PMFBP1: variants seen among roughly 807,000 people sequenced by gnomAD.
PMFBP1 encodes the protein polyamine-modulated factor 1-binding protein 1.
Under a neutral mutation model 137.8 loss-of-function variants are expected in PMFBP1, and 131 were observed. The ratio of observed to expected loss-of-function variants is 0.95; its 90% CI spans 0.82 to 1.10. The LOEUF (loss-of-function observed/expected upper bound fraction) is 1.10. PMFBP1 is among the 50% of genes least tolerant of loss of function. PMFBP1 has a pLI of 0.00. For missense variants in PMFBP1, 1,199 were observed against 1,175.4 expected, an observed-to-expected ratio of 1.02 and a Z score of -0.29; for synonymous variants, 490 against 450.4, an observed-to-expected ratio of 1.09 and a Z score of -1.11.
the PMFBP1 span, among the ~76,000 whole-genome samples, chr16:72,202,686 A>G: frequency 1.3e-5 from 2 of 152,252 alleles, no homozygotes; most frequent in Non-Finnish European, 2.9e-5. Flanking sequence ...TCTGGTGCCA[A>G]TCTCTCACTC....
chr16:72,246,623 G>A, the PMFBP1 span, among the ~76,000 whole-genome samples: 2 of 151,882 alleles, frequency 1.3e-5, no homozygotes, highest in East Asian at 3.9e-4. Flanking sequence ...CTGGCCACAA[G>A]GTTACTTTCT....
chr16:72,170,953 T>C (rs2043212260), intron 2 of PMFBP1, among the ~76,000 whole-genome samples: 2 of 152,196 alleles, frequency 1.3e-5, no homozygotes, highest in Non-Finnish European at 2.9e-5. Flanking sequence ...TCACAATTCA[T>C]ATTTTCTAGA....
At chr16:72,193,731 A>G in the PMFBP1 span, among the ~76,000 whole-genome samples, 28 of 151,506 alleles carry the variant, frequency 1.8e-4, no homozygotes, top group Non-Finnish European at 1.5e-5. Context: ...GAGGAAAAAA[A>G]AAAAAAAAGA....
chr16:72,124,103 C>T (rs4788607), intron 17 of PMFBP1, among the ~76,000 whole-genome samples: 2 of 151,996 alleles, frequency 1.3e-5, no homozygotes, highest in African/African-American at 2.4e-5. Flanking sequence ...TAACCTCCCC[C>T]CCGGCTCAAG....
At chr16:72,211,309 G>A in the PMFBP1 span, among the ~76,000 whole-genome samples, 1 of 152,156 alleles carries the variant, frequency 6.6e-6, no homozygotes, top group South Asian at 2.1e-4. Flanking sequence ...AACACCAGAG[G>A]CAAGGCATCT....
chr16:72,196,682 A>G, the PMFBP1 span, among the ~76,000 whole-genome samples: 1 of 152,226 alleles, frequency 6.6e-6, no homozygotes, highest in East Asian at 1.9e-4. Context: ...GAATACATTC[A>G]TATTAATGGG....
intron 3 of PMFBP1, among the ~76,000 whole-genome samples, chr16:72,156,751 G>A (rs9933009): frequency 0.39 from 58,612 of 151,782 alleles, 13,901 homozygotes; most frequent in African/African-American, 0.68. Context: ...TGGCAATTAC[G>A]AATACTGCTG....
At chr16:72,172,638 G>C (rs1332041620), upstream of PMFBP1, among the ~76,000 whole-genome samples, 1 of 151,610 alleles carries the variant, frequency 6.6e-6, no homozygotes. Flanking sequence ...GAGAGATTGC[G>C]GGTTTGGTTT....
the PMFBP1 span, among the ~76,000 whole-genome samples, chr16:72,206,472 C>T: frequency 1.3e-5 from 2 of 152,202 alleles, no homozygotes; most frequent in Admixed American, 6.5e-5. Context: ...GGCAGCTCAC[C>T]ATCAGGAACA....
chr16:72,170,604 T>A (rs908345148), intron 2 of PMFBP1, among the ~76,000 whole-genome samples: 1 of 152,098 alleles, frequency 6.6e-6, no homozygotes, highest in Admixed American at 6.5e-5. Context: ...TAATTTTTTT[T>A]ATTTTTTGTA....
chr16:72,180,045 C>T (rs898034813), upstream of PMFBP1, among the ~76,000 whole-genome samples: 1 of 152,198 alleles, frequency 6.6e-6, no homozygotes, highest in Non-Finnish European at 1.5e-5. Context: ...CCCTGAAGGC[C>T]TGCAGCTCCA....
At position 72,140,466 on chromosome 16, in the gene PMFBP1, T is replaced by C. The variant is rs1345509979; in HGVS notation, c.753A>G (p.Gln251=). ...RLSEVWQKVS[Q]QDDLIQELRN... ...GAAGTTCTTGAATGAGATCATCCTGTTGAGAGACCTTTTGCCAGACTTCAG... is the reference window on the plus strand; with the variant it reads ...GAAGTTCTTGAATGAGATCATCCTGCTGAGAGACCTTTTGCCAGACTTCAG... The change falls in exon 6 of 21, where the codon CAA becomes CAG. Residue 251 remains glutamine, a synonymous_variant. Coordinates refer to ENST00000237353, the MANE Select transcript of PMFBP1 (RefSeq NM_031293.3). The C allele has an allele frequency of 7.4e-6, 12 of 1,613,946 alleles. No individual in the cohort carries two copies. The highest frequency in any genetic ancestry group is 1.0e-5 in the Non-Finnish European group (12 of 1,179,926).
intron 2 of PMFBP1, among the ~76,000 whole-genome samples, chr16:72,166,538 T>C (rs2043147595): frequency 6.6e-6 from 1 of 152,118 alleles, no homozygotes; most frequent in Non-Finnish European, 1.5e-5. Flanking sequence ...GGTTCTTAAG[T>C]GAGGATTCAT....
At position 72,154,330 on chromosome 16, in the gene PMFBP1, A is replaced by G. The variant is rs2042950354; in HGVS notation, c.295T>C (p.Phe99Leu). The change falls in exon 4 of 21, where the codon TTT (phenylalanine) becomes CTT (leucine). Residue 99 changes from phenylalanine (F) to leucine (L), a missense_variant. Physicochemically the swap from Phe to Leu is conservative, Grantham distance 22 (BLOSUM62 0). Transcript: ENST00000237353. ...KLLVLQQELE[F>L]HTEELQTSYY... is the part of the protein sequence containing the mutation. ...GAAGTCTGCAACTCCTCTGTGTGAA[A>G]CTCCAGTTCTTGTTGAAGGACCAGC... 6.2e-7 allele frequency: 1 copy of G among 1,613,704 alleles called. No homozygotes were observed. Among genetic ancestry groups the G allele is most frequent in the Non-Finnish European group, 8.5e-7 (1 of 1,179,904 alleles).
At chr16:72,246,036 G>A in the PMFBP1 span, among the ~76,000 whole-genome samples, 1 of 152,138 alleles carries the variant, frequency 6.6e-6, no homozygotes, top group African/African-American at 2.4e-5. Context: ...TAGTGTGGGA[G>A]CATACTCATT....
chr16:72,161,819 G>C (rs2043066874), intron 3 of PMFBP1, among the ~76,000 whole-genome samples: 1 of 152,150 alleles, frequency 6.6e-6, no homozygotes, highest in African/African-American at 2.4e-5. Context: ...AGAAGATTCA[G>C]TGAAATATTT....
At position 72,149,231 on chromosome 16, in the gene PMFBP1, T is replaced by C. The variant is rs377133458; in HGVS notation, c.636+1377A>G. Among the ~76,000 whole-genome samples the C allele has an allele frequency of 2.0e-4, 31 of 152,352 alleles. 2 individuals carry two copies. The highest frequency in any genetic ancestry group is 1.0e-3 in the Admixed American group (16 of 15,306). ...CGTTATCTCCCTACCCATCAGTGTT[T>C]AGCACAACTTTAAAAGAATGAAAAC... On this transcript the variant is annotated intron_variant, in intron 5 of 20. Transcript: ENST00000237353.
Position 72,126,059 on chromosome 16 carries a change from T to C in PMFBP1, c.2162A>G (p.Tyr721Cys), listed in dbSNP as rs747834251. 3 of 1,614,148 alleles carry C rather than the reference T, an allele frequency of 1.9e-6. No homozygotes were observed. The highest frequency in any genetic ancestry group is 1.1e-5 in the South Asian group (1 of 91,080). Residue 721 changes from tyrosine (Y) to cysteine (C), a missense_variant, in exon 15 of 21, where the codon TAT (tyrosine) becomes TGT (cysteine). By Grantham distance (194) the Tyr-to-Cys change is radical (BLOSUM62 -2). Coordinates refer to ENST00000237353, the MANE Select transcript of PMFBP1 (RefSeq NM_031293.3). ...TTCTTTGGTGATGGTAGTCTGGAGA[T>C]AGTGCTTCTCCTTCTGCAGAGCTTT... ...LDKALQKEKHYLQTTITKEAY... is the reference protein window; with the variant it reads ...LDKALQKEKHCLQTTITKEAY...
chr16:72,121,042 C>G (rs2042370341), intron 19 of PMFBP1, among the ~76,000 whole-genome samples: 1 of 152,146 alleles, frequency 6.6e-6, no homozygotes, highest in African/African-American at 2.4e-5. Context: ...AGAGTGAGTT[C>G]TTTGTGAAAG....
Sources: gnomAD v4.1 joint callset for allele counts (sites outside exome capture counted in the v4.1 genomes callset) on GRCh38, gnomAD v4.1.1 for gene constraint, MANE v1.5 for transcripts, NCBI Gene and HGNC (gene_info 2026-07-23, HGNC 2026-07-21) for gene names.